The following PTPRD variants were observed in gnomAD, a reference collection of about 807,000 sequenced individuals.
The protein encoded by PTPRD is receptor-type tyrosine-protein phosphatase delta.
PTPRD carries 34 observed loss-of-function variants against 214.5 expected under a neutral mutation model. The ratio of observed to expected loss-of-function variants is 0.16; its 90% CI spans 0.12 to 0.21. PTPRD has a LOEUF of 0.21. Ranked by LOEUF, PTPRD falls within the 10% of genes least tolerant of loss-of-function variation. The pLI is 1.00. For missense variants in PTPRD, 2,545 were observed against 2,398.7 expected (o/e 1.06, Z -1.27); for synonymous variants, 1,128 against 845.7 (o/e 1.33, Z -5.79).
chr9:8,323,451 CA>C (rs1226992545), intron 44 of PTPRD, among the ~76,000 whole-genome samples: 1 of 152,184 alleles, frequency 6.6e-6, no homozygotes, highest in Non-Finnish European at 1.5e-5. Flanking sequence ...GGAAGTAATT[CA>C]CCATTCTATA....
intron 5 of PTPRD, among the ~76,000 whole-genome samples, chr9:9,801,344 A>G (rs1017154332): frequency 2.0e-5 from 3 of 152,080 alleles, no homozygotes; most frequent in African/African-American, 7.2e-5. Flanking sequence ...GATTAAAAAA[A>G]AAAAAGTAAC....
chr9:10,488,862 C>T lies in PTPRD; in HGVS notation c.-600+123536G>A, dbSNP rs191428737. Among the ~76,000 whole-genome samples, 7 of 152,202 alleles carry T rather than the reference C, an allele frequency of 4.6e-5. No homozygotes were observed. In the East Asian group the frequency reaches 1.2e-3, roughly 25 times the overall value. ...ACTCATCTTTCAGGGCAGTGGGCTC[C>T]CCTCTGGCACAGGAGAGGTCCAGAA... On this transcript the variant is annotated intron_variant, in intron 2 of 45. Coordinates refer to ENST00000381196, the MANE Select transcript of PTPRD (RefSeq NM_002839.4).
chr9:9,928,270 G>A (rs10816241), intron 5 of PTPRD, among the ~76,000 whole-genome samples: 2,208 of 152,194 alleles, frequency 0.015, 25 homozygotes, highest in Non-Finnish European at 0.024. Flanking sequence ...ATGAATCAAT[G>A]CTATCTTAAT....
chr9:9,138,380 A>G (rs2099854352), intron 10 of PTPRD, among the ~76,000 whole-genome samples: 1 of 152,146 alleles, frequency 6.6e-6, no homozygotes, highest in Non-Finnish European at 1.5e-5. Flanking sequence ...GTTATGTACA[A>G]TTATTATTAT....
chr9:8,481,550 T>C (rs1488563473), intron 30 of PTPRD, among the ~76,000 whole-genome samples: 1 of 152,174 alleles, frequency 6.6e-6, no homozygotes, highest in Non-Finnish European at 1.5e-5. Context: ...CTTTTTGAAT[T>C]TTTCTCCTTC....
intron 2 of PTPRD, among the ~76,000 whole-genome samples, chr9:10,546,894 A>G (rs896163496): frequency 1.3e-5 from 2 of 152,112 alleles, no homozygotes; most frequent in African/African-American, 4.8e-5. Context: ...TATTAAGGAT[A>G]TTAGCCATAG....
At chr9:9,240,570 C>A (rs1199018068) in intron 9 of PTPRD, among the ~76,000 whole-genome samples, 1 of 152,016 alleles carries the variant, frequency 6.6e-6, no homozygotes, top group Non-Finnish European at 1.5e-5. Flanking sequence ...ACTGGGGAGA[C>A]TGAGTTAGGA....
chr9:8,703,808 T>C (rs1021690432), intron 12 of PTPRD, among the ~76,000 whole-genome samples: 9 of 152,166 alleles, frequency 5.9e-5, no homozygotes, highest in African/African-American at 1.9e-4. Context: ...AAGTATCAAA[T>C]TGCTTATTTG....
intron 11 of PTPRD, among the ~76,000 whole-genome samples, chr9:8,966,902 T>C (rs573770831): frequency 1.3e-5 from 2 of 148,430 alleles, no homozygotes; most frequent in Admixed American, 6.7e-5. Flanking sequence ...ACTTAAACAA[T>C]TGAACAAGCA....
At chr9:9,453,139 C>A (rs923942353) in intron 8 of PTPRD, among the ~76,000 whole-genome samples, 1 of 150,920 alleles carries the variant, frequency 6.6e-6, no homozygotes, top group African/African-American at 2.4e-5. Context: ...ACAAGACTTT[C>A]AACGCCCCCC....
At chr9:8,437,493 G>A (rs1438418913) in intron 34 of PTPRD, among the ~76,000 whole-genome samples, 7 of 152,216 alleles carry the variant, frequency 4.6e-5, no homozygotes, top group South Asian at 2.1e-4. Flanking sequence ...ACTCACTGAC[G>A]ATAATCACTG....
At chr9:9,887,019 A>T (rs2071204490) in intron 5 of PTPRD, among the ~76,000 whole-genome samples, 1 of 151,990 alleles carries the variant, frequency 6.6e-6, no homozygotes, top group Non-Finnish European at 1.5e-5. Context: ...GAGGCCATAA[A>T]CTTGTTTTTT....
At chr9:8,410,857 T>C (rs1236558508) in intron 35 of PTPRD, among the ~76,000 whole-genome samples, 1 of 152,128 alleles carries the variant, frequency 6.6e-6, no homozygotes, top group African/African-American at 2.4e-5. Flanking sequence ...AGAACTGACA[T>C]GCAGGGAACA....
rs187353129 is a variant in PTPRD, at chr9:8,646,055, C to T, written c.65-9211G>A. On this transcript the variant is annotated intron_variant, in intron 12 of 45. Coordinates refer to ENST00000381196, the MANE Select transcript of PTPRD (RefSeq NM_002839.4). ...TGGACATTAGAATCACCTGGGAGTCCTAAAAGAAAAAAAAAAAAAATGAAA... is the reference window on the plus strand; with the variant it reads ...TGGACATTAGAATCACCTGGGAGTCTTAAAAGAAAAAAAAAAAAAATGAAA... Among the ~76,000 whole-genome samples, 194 of 142,460 alleles carry T rather than the reference C, an allele frequency of 1.4e-3. 1 individual carries two copies. Among genetic ancestry groups the T allele is most frequent in the African/African-American group, 4.7e-3 (170 of 35,870 alleles). The allele number at this position is 142,460 out of a possible 152,430, so 93.5% of individuals were successfully genotyped here. A position where few individuals can be genotyped will look rare whatever the true frequency, so the allele number is the denominator to read the frequency against.
chr9:8,618,928 T>G lies in PTPRD; in HGVS notation c.352+14389A>C, dbSNP rs1451936183. On this transcript the variant is annotated intron_variant, in intron 14 of 45. Transcript: ENST00000381196. ...TGTGTTTTTTTGTTTTTTTTTTTTTTTTTTTTTTTTTACCGGAAACAGGGT... is the reference window on the plus strand; with the variant it reads ...TGTGTTTTTTTGTTTTTTTTTTTTTGTTTTTTTTTTTACCGGAAACAGGGT... Among the ~76,000 whole-genome samples the G allele has an allele frequency of 5.5e-5, 8 of 144,886 alleles. No individual in the cohort carries two copies. In the East Asian group the frequency reaches 1.0e-3, roughly 18 times the overall value.
chr9:9,472,195 TTTTTTTTTTTTC>T (rs1163306710), intron 8 of PTPRD, among the ~76,000 whole-genome samples: 1 of 91,784 alleles, frequency 1.1e-5, no homozygotes, highest in Admixed American at 1.2e-4. Context: ...CAATCTTTTT[TTTTTTTTTTTTC>T]TTTTTTTGAG....
At chr9:10,521,837 CAATT>C (rs1289890890) in intron 2 of PTPRD, among the ~76,000 whole-genome samples, 2 of 152,042 alleles carry the variant, frequency 1.3e-5, no homozygotes, top group Admixed American at 6.6e-5. Context: ...TGCTATTGCA[CAATT>C]AATAGGCTAC....
At chr9:10,280,714 G>C (rs1169361122) in intron 3 of PTPRD, among the ~76,000 whole-genome samples, 4 of 151,926 alleles carry the variant, frequency 2.6e-5, no homozygotes, top group African/African-American at 9.7e-5. Context: ...AGATTCAAGT[G>C]TTCCCCCATC....
At chr9:9,104,359 G>A (rs914017738) in intron 10 of PTPRD, among the ~76,000 whole-genome samples, 4 of 152,084 alleles carry the variant, frequency 2.6e-5, no homozygotes, top group South Asian at 2.1e-4. Flanking sequence ...TAGAATATGG[G>A]CTCTATAAAA....
Sources: allele counts gnomAD v4.1 joint callset (sites outside exome capture counted in the v4.1 genomes callset), GRCh38; gene constraint gnomAD v4.1.1; transcripts MANE v1.5; gene names NCBI Gene and HGNC (gene_info 2026-07-23, HGNC 2026-07-21).